DRC7: variants seen among roughly 807,000 people sequenced by gnomAD.
DRC7 encodes the protein coiled-coil domain containing 135.
Under a neutral mutation model 104.4 loss-of-function variants are expected in DRC7, and 80 were observed. The observed-to-expected ratio is 0.77, with a 90% CI of 0.64 to 0.92. DRC7 has a LOEUF of 0.92. Among genes scored for constraint, DRC7 ranks in the 40% least tolerant of loss-of-function variants. The pLI, the probability that DRC7 is intolerant of heterozygous loss-of-function variation, is 0.00. For missense variants in DRC7, 1,034 were observed against 1,141.1 expected (o/e 0.91, Z 1.35); for synonymous variants, 405 against 447.3 (o/e 0.91, Z 1.19).
At chr16:57,698,240 T>C (rs2148728549) in intron 3 of DRC7, 88 bp downstream of exon 3, 1 of 1,577,122 alleles carries the variant, frequency 6.3e-7, no homozygotes, top group Non-Finnish European at 8.6e-7. Flanking sequence ...CCTGGTCTGG[T>C]AGGGTGACCA....
intron 8 of DRC7, among the ~76,000 whole-genome samples, chr16:57,709,071 G>A (rs2048764353): frequency 6.6e-6 from 1 of 150,376 alleles, no homozygotes; most frequent in South Asian, 2.1e-4. Flanking sequence ...GGAGGTTGTA[G>A]TGAGCCTATA....
chr16:57,698,518 C>A (rs2923132), intron 3 of DRC7, among the ~76,000 whole-genome samples: 33 of 151,756 alleles, frequency 2.2e-4, no homozygotes, highest in Non-Finnish European at 2.2e-4. Flanking sequence ...AAGACCCCCC[C>A]ACCCATGTCT....
Position 57,700,162 on chromosome 16 carries a change from C to T in DRC7, c.396C>T (p.Thr132=), listed in dbSNP as rs1239524278. The T allele has an allele frequency of 3.1e-6, 5 of 1,613,990 alleles. No homozygotes were observed. Among genetic ancestry groups the T allele is most frequent in the Non-Finnish European group, 4.2e-6 (5 of 1,179,904 alleles). The change falls in exon 5 of 19, where the codon ACC becomes ACT. Residue 132 remains threonine (T), a synonymous_variant. Coordinates refer to ENST00000360716, the MANE Select transcript of DRC7 (RefSeq NM_001289162.2). The part of the protein sequence containing the change: ...ECEVPKFVST[T]LRPTLMPYPE... ...CCTTGCAGAAGTTCGTGAGCACAAC[C>T]CTCCGGCCCACACTGATGCCCTACC...
chr16:57,705,448 T>C (rs2048702550), intron 7 of DRC7, among the ~76,000 whole-genome samples: 1 of 133,020 alleles, frequency 7.5e-6, no homozygotes, highest in Non-Finnish European at 1.6e-5. Context: ...CATCCTCTGA[T>C]CTCTCCTCCC....
chr16:57,696,143 C>A (rs543610675), intron 1 of DRC7, among the ~76,000 whole-genome samples: 27 of 152,308 alleles, frequency 1.8e-4, no homozygotes, highest in African/African-American at 6.0e-4. Flanking sequence ...AATGGAAAGA[C>A]CCCAGCTGGG....
intron 8 of DRC7, among the ~76,000 whole-genome samples, chr16:57,708,750 T>C (rs1228545920): frequency 6.6e-6 from 1 of 152,190 alleles, no homozygotes; most frequent in Non-Finnish European, 1.5e-5. Context: ...TCCATCCACA[T>C]CCTTGCCAAT....
chr16:57,707,056 C>A (rs1176171026), intron 7 of DRC7, among the ~76,000 whole-genome samples: 1 of 152,160 alleles, frequency 6.6e-6, no homozygotes, highest in African/African-American at 2.4e-5. Flanking sequence ...AGCTTCTTTT[C>A]TGGTCCAGAC....
intron 5 of DRC7, chr16:57,701,582 TAAAG>T (rs1401462379): frequency 1.0e-4 from 20 of 198,448 alleles, no homozygotes; most frequent in Admixed American, 9.7e-4. Flanking sequence ...GGAGAACTGA[TAAAG>T]GGAGGAGGAG....
intron 9 of DRC7, among the ~76,000 whole-genome samples, chr16:57,719,792 G>C (rs1199608547): frequency 6.6e-6 from 1 of 152,162 alleles, no homozygotes; most frequent in Non-Finnish European, 1.5e-5. Context: ...ACAGGCATGA[G>C]CCACCATGCC....
intron 8 of DRC7, 100 bp downstream of exon 8, chr16:57,707,778 C>G: frequency 1.9e-6 from 2 of 1,074,248 alleles, no homozygotes; most frequent in Non-Finnish European, 2.8e-6. Flanking sequence ...GAGCGAGACA[C>G]CAGGCCACGA....
intron 4 of DRC7, 34 bp from the exon 5 acceptor site, chr16:57,700,111 C>T (rs769152607): frequency 3.7e-6 from 6 of 1,607,058 alleles, no homozygotes; most frequent in Non-Finnish European, 5.1e-6. Context: ...TTCTTATTGC[C>T]TTGACCCCAC....
At chr16:57,718,534 C>G in intron 9 of DRC7, 59 bp downstream of exon 9, 3 of 1,591,346 alleles carry the variant, frequency 1.9e-6, no homozygotes, top group Non-Finnish European at 2.6e-6. Context: ...GGGAGCCTGA[C>G]AAGTGTCCCC....
At chr16:57,729,522 A>G (rs1353031197) in intron 17 of DRC7, among the ~76,000 whole-genome samples, 3 of 96,276 alleles carry the variant, frequency 3.1e-5, no homozygotes, top group Non-Finnish European at 4.2e-5. Context: ...GGGTGGATGG[A>G]TGGATGGATG....
intron 8 of DRC7, among the ~76,000 whole-genome samples, chr16:57,716,155 T>C (rs2048841060): frequency 6.6e-6 from 1 of 152,204 alleles, no homozygotes; most frequent in South Asian, 2.1e-4. Context: ...CAAAGCATAA[T>C]ATCTAACTAC....
At chr16:57,727,950 A>G (rs2048991614) in intron 16 of DRC7, among the ~76,000 whole-genome samples, 1 of 152,134 alleles carries the variant, frequency 6.6e-6, no homozygotes, top group South Asian at 2.1e-4. Flanking sequence ...CACGTCTCCA[A>G]CTTCACTGCC....
At chr16:57,727,462 T>TGGAGA in intron 16 of DRC7, 53 bp downstream of exon 16, 2 of 1,342,076 alleles carry the variant, frequency 1.5e-6, no homozygotes, top group South Asian at 1.2e-5. Context: ...CCCCCTGGTC[T>TGGAGA]CCAGGGTGGT....
intron 8 of DRC7, among the ~76,000 whole-genome samples, chr16:57,709,104 G>A (rs1347503351): frequency 1.3e-5 from 2 of 148,632 alleles, no homozygotes; most frequent in Non-Finnish European, 3.0e-5. Context: ...ACTCCAGCCT[G>A]GGCGACAAAG....
rs2048922338 is a variant in DRC7 at position 57,723,080 on chromosome 16, C to T, written c.1487C>T (p.Thr496Ile). 6.2e-7 allele frequency: 1 copy of T among 1,613,898 alleles called. No individual in the cohort carries two copies. Among genetic ancestry groups the T allele is most frequent in the Non-Finnish European group, 8.5e-7 (1 of 1,179,986 alleles). Residue 496 changes from threonine (T) to isoleucine (I), a missense_variant, in exon 12 of 19, where the codon ACA becomes ATA. By Grantham distance (89) the Thr-to-Ile change is moderately conservative (BLOSUM62 -1). Transcript: ENST00000360716. The stretch of plus-strand genomic sequence containing the variant: ...GAGCTGAAACACATAAACAAGACCA[C>T]AGACCTGAAGACAGACTACTTCAAG... ...MLELKHINKT[T>I]DLKTDYFKPG...
chr16:57,727,493 C>T, intron 16 of DRC7, 84 bp downstream of exon 16: 1 of 947,126 alleles, frequency 1.1e-6, no homozygotes, highest in Non-Finnish European at 1.7e-6. Context: ...AGGGATTCTG[C>T]TGAGAAACCC....
Sources: allele counts gnomAD v4.1 joint callset (sites outside exome capture counted in the v4.1 genomes callset), GRCh38; gene constraint gnomAD v4.1.1; transcripts MANE v1.5; gene names NCBI Gene and HGNC (gene_info 2026-07-23, HGNC 2026-07-21).